The following RBFOX2 variants were observed in gnomAD, a reference collection of about 807,000 sequenced individuals.
RBFOX2 encodes RNA binding fox-1 homolog 2.
RBFOX2 carries 10 observed loss-of-function variants against 49.1 expected under a neutral mutation model. The observed-to-expected ratio is 0.20, with a 90% confidence interval of 0.13 to 0.35. The LOEUF (loss-of-function observed/expected upper bound fraction) is 0.35, where lower values mean the gene tolerates loss of function less well. Ranked by LOEUF, RBFOX2 falls within the 10% of genes least tolerant of loss-of-function variation. The pLI is 1.00. For missense variants in RBFOX2, 323 were observed against 486.9 expected (o/e 0.66, Z 3.17); for synonymous variants, 183 against 187.4 (o/e 0.98, Z 0.19).
intron 6 of RBFOX2, among the ~76,000 whole-genome samples, chr22:35,762,774 G>A (rs1027461457): frequency 1.3e-5 from 2 of 151,962 alleles, no homozygotes; most frequent in Admixed American, 1.3e-4. Context: ...CAGAGTGCTG[G>A]GGATTACAGG....
At chr22:35,827,669 C>T (rs1033462991) in intron 1 of RBFOX2, among the ~76,000 whole-genome samples, 2 of 152,196 alleles carry the variant, frequency 1.3e-5, no homozygotes, top group African/African-American at 2.4e-5. Context: ...ACTTTACTGA[C>T]ATCATTTTCA....
In RBFOX2 at chr22:35,759,805, G is replaced by C; in HGVS notation, c.887+83C>G. 1 of 1,562,616 alleles carries C rather than the reference G, an allele frequency of 6.4e-7. No homozygotes were observed. The highest frequency in any genetic ancestry group is 8.8e-7 in the Non-Finnish European group (1 of 1,140,978). ...TACTCTGTGACACGGCAACATCCCAGAAGTTATGAAAGGGCCATGGTATTC... is the reference window on the plus strand; with the variant it reads ...TACTCTGTGACACGGCAACATCCCACAAGTTATGAAAGGGCCATGGTATTC... On this transcript the variant is annotated intron_variant, in intron 9 of 11. Transcript: ENST00000405409. The surrounding 1 kb of genome is among the most constrained non-coding windows in gnomAD (Gnocchi z 4.6).
intron 1 of RBFOX2, among the ~76,000 whole-genome samples, chr22:35,876,465 C>T (rs943758106): frequency 2.0e-5 from 3 of 151,610 alleles, no homozygotes; most frequent in East Asian, 3.9e-4. Context: ...TTCCTTGTAA[C>T]GTTTATTAAT....
At chr22:35,840,169 T>G (rs1958475399) in intron 1 of RBFOX2, 1 of 1,612,546 alleles carries the variant, frequency 6.2e-7, no homozygotes. Context: ...AAAAGAAACA[T>G]GCCGAGGAAG....
intron 1 of RBFOX2, among the ~76,000 whole-genome samples, chr22:35,930,140 G>GC (rs1403024422): frequency 6.7e-6 from 1 of 149,626 alleles, no homozygotes; most frequent in African/African-American, 2.5e-5. Flanking sequence ...TCGTGCCTCA[G>GC]CTCCCAAGTA....
At chr22:35,985,562 G>T (rs1157112690) in intron 1 of RBFOX2, among the ~76,000 whole-genome samples, 1 of 152,154 alleles carries the variant, frequency 6.6e-6, no homozygotes, top group African/African-American at 2.4e-5. Flanking sequence ...ATGTTTAAAT[G>T]TTAAATCCAA....
At chr22:35,786,037 C>T (rs918730574) in intron 2 of RBFOX2, among the ~76,000 whole-genome samples, 1 of 152,190 alleles carries the variant, frequency 6.6e-6, no homozygotes, top group African/African-American at 2.4e-5. Context: ...TGCAAGATGA[C>T]AATGTATCAC....
At chr22:35,768,235 T>C (rs750545377) in intron 5 of RBFOX2, 22 bp downstream of exon 6, 19 of 1,603,106 alleles carry the variant, frequency 1.2e-5, no homozygotes, top group Non-Finnish European at 1.6e-5. Flanking sequence ...AAACCAGAAA[T>C]TGAATTATTA....
Position 35,969,759 on chromosome 22 carries a change from A to G in RBFOX2, c.187-30862T>C, listed in dbSNP as rs2056769269. On this transcript the variant is annotated intron_variant, in intron 1 of 13. Transcript: ENST00000438146. Reference sequence around the variant, plus strand: ...TGATTTTTTAAAAATCTTTTTAACTACCACATTACCCTTAGAAAGGAGTTT... The same window carrying G: ...TGATTTTTTAAAAATCTTTTTAACTGCCACATTACCCTTAGAAAGGAGTTT... 2.6e-5 allele frequency among the ~76,000 whole-genome samples: 4 copies of G among 152,258 alleles called. No homozygotes were observed. In the South Asian group the frequency reaches 8.3e-4, roughly 31 times the overall value.
chr22:35,832,588 T>G (rs1316411697), intron 1 of RBFOX2, among the ~76,000 whole-genome samples: 1 of 152,048 alleles, frequency 6.6e-6, no homozygotes, highest in Admixed American at 6.6e-5. Context: ...ATCCAAGCAC[T>G]CTGGGATGCA....
At chr22:36,015,190 G>A (rs1321234636) in intron 1 of RBFOX2, among the ~76,000 whole-genome samples, 2 of 152,322 alleles carry the variant, frequency 1.3e-5, no homozygotes, top group African/African-American at 4.8e-5. Flanking sequence ...TTTATTATCA[G>A]CTTAATAAGA....
intron 5 of RBFOX2, 57 bp from the exon 7 acceptor site, chr22:35,765,540 T>C (rs1457643902): frequency 9.2e-7 from 1 of 1,089,952 alleles, no homozygotes; most frequent in East Asian, 2.5e-5. Flanking sequence ...TTAGGGAACA[T>C]AAAGTTGCAC....
chr22:35,890,673 A>G (rs752716140), intron 1 of RBFOX2, among the ~76,000 whole-genome samples: 1 of 152,128 alleles, frequency 6.6e-6, no homozygotes, highest in Non-Finnish European at 1.5e-5. Context: ...AACTCTGACA[A>G]TTGCAAACTG....
At chr22:35,935,775 AG>A (rs2052987947) in intron 1 of RBFOX2, among the ~76,000 whole-genome samples, 1 of 152,166 alleles carries the variant, frequency 6.6e-6, no homozygotes, top group East Asian at 1.9e-4. Flanking sequence ...CTCAGACAGA[AG>A]GGGAAATTTC....
At chr22:36,024,646 C>T (rs1274256862) in intron 1 of RBFOX2, among the ~76,000 whole-genome samples, 1 of 151,182 alleles carries the variant, frequency 6.6e-6, no homozygotes, top group Non-Finnish European at 1.5e-5. Context: ...GAGGCTGAGG[C>T]ATAAGAATTG....
intron 1 of RBFOX2, among the ~76,000 whole-genome samples, chr22:35,900,077 G>C (rs933764274): frequency 3.9e-5 from 6 of 152,268 alleles, no homozygotes; most frequent in Admixed American, 6.5e-5. Context: ...CCACATTTTA[G>C]ATGCTCTGCC....
chr22:35,864,837 C>A (rs1442303308), intron 1 of RBFOX2, among the ~76,000 whole-genome samples: 1 of 152,196 alleles, frequency 6.6e-6, no homozygotes, highest in African/African-American at 2.4e-5. Flanking sequence ...GCAATTAATT[C>A]ATCCAATATT....
chr22:35,811,048 T>C (rs555435910), intron 1 of RBFOX2, among the ~76,000 whole-genome samples: 18 of 152,322 alleles, frequency 1.2e-4, no homozygotes, highest in Middle Eastern at 3.4e-3. Flanking sequence ...CTCTCTTCCA[T>C]TTAAAAGTTA....
At chr22:35,818,927 C>G (rs1046247198) in intron 1 of RBFOX2, among the ~76,000 whole-genome samples, 1 of 152,172 alleles carries the variant, frequency 6.6e-6, no homozygotes, top group South Asian at 2.1e-4. Flanking sequence ...TAGTCTACCT[C>G]TTTAAAATAG....
Sources: allele counts gnomAD v4.1 joint callset (sites outside exome capture counted in the v4.1 genomes callset), GRCh38; gene constraint gnomAD v4.1.1; non-coding constraint Gnocchi (gnomAD v3.1); transcripts MANE v1.5; gene names NCBI Gene and HGNC (gene_info 2026-07-23, HGNC 2026-07-21).